RAD52: variants seen among roughly 807,000 people sequenced by gnomAD.
RAD52 encodes the protein DNA repair protein RAD52 homolog.
In RAD52, 47 loss-of-function variants were observed where a neutral mutation model predicts 55.5. That is an observed-to-expected ratio of 0.85 (90% CI 0.67 to 1.08). RAD52 has a LOEUF of 1.08. RAD52 is among the 50% of genes least tolerant of loss of function. The pLI is 0.00. For synonymous variants in RAD52, 184 were observed against 198.9 expected (o/e 0.92, Z 0.63); for missense variants, 468 against 522.8 (o/e 0.90, Z 1.02).
intron 8 of RAD52, 27 bp from the exon 9 acceptor site, chr12:916,510 G>T (rs759739389): frequency 1.2e-6 from 2 of 1,606,296 alleles, no homozygotes; most frequent in Admixed American, 1.7e-5. Context: ...CGGCGAGGAC[G>T]GGCTCCTGAG....
At chr12:984,825 C>G (rs1446273106) in intron 1 of RAD52, among the ~76,000 whole-genome samples, 1 of 152,066 alleles carries the variant, frequency 6.6e-6, no homozygotes, top group African/African-American at 2.4e-5. Context: ...CCACCATGCC[C>G]GGCTAATTTT....
chr12:912,587 C>CA lies in RAD52; in HGVS notation c.*803dup, dbSNP rs954123889. 4 of 181,056 alleles carry CA rather than the reference C, an allele frequency of 2.2e-5. No individual in the cohort carries two copies. The highest frequency in any genetic ancestry group is 9.4e-5 in the African/African-American group (4 of 42,350). 11.2% of individuals were successfully genotyped at this position (181,056 alleles called of 1,614,324 possible). On this transcript the variant is annotated 3_prime_UTR_variant, in exon 12 of 12. Transcript: ENST00000358495. ...CTCAAAAATGCCTTTTCTGGCCAGA[C>CA]ACAGTGGCTCACACCAGTAATCCCT...
Position 984,728 on chromosome 12 carries a change from G to A in RAD52, c.-19+5081C>T, listed in dbSNP as rs539399862. Among the ~76,000 whole-genome samples the A allele has an allele frequency of 4.0e-5, 6 of 149,350 alleles. No homozygotes were observed. The South Asian group carries it at 8.5e-4, about 21-fold the overall frequency. ...CGCCCAGGCTGGAGTGCAGTGGCGT[G>A]ATCTCGGCTCACTGCAAGCTCCGCC... On this transcript the variant is annotated intron_variant, in intron 1 of 11. Coordinates refer to the RAD52 transcript ENST00000430095.
chr12:926,242 C>T (rs761217060), intron 6 of RAD52, among the ~76,000 whole-genome samples: 6 of 151,776 alleles, frequency 4.0e-5, no homozygotes, highest in Admixed American at 6.6e-5. Context: ...CCTGTGATCC[C>T]GGCACTTTGG....
upstream of RAD52, chr12:990,934 C>CGTGTGTGTGTGTGTGTGTGTGTGTGTGT (rs758442595): frequency 4.4e-4 from 44 of 99,408 alleles, no homozygotes; most frequent in African/African-American, 1.2e-3. Flanking sequence ...CCGCAGGGGT[C>CGTGTGTGTGTGTGTGTGTGTGTGTGTGT]GTGTGTGTGT....
At chr12:980,819 A>G (rs182429903) in intron 1 of RAD52, among the ~76,000 whole-genome samples, 229 of 152,226 alleles carry the variant, frequency 1.5e-3, no homozygotes, top group African/African-American at 5.2e-3. Context: ...TAGGGCTGCC[A>G]TAACAAAATA....
chr12:949,003 T>C (rs1223916571), intron 1 of RAD52, among the ~76,000 whole-genome samples: 3 of 152,064 alleles, frequency 2.0e-5, no homozygotes, highest in East Asian at 1.9e-4. Context: ...CAGACCTCTA[T>C]CTCAATGTTA....
intron 1 of RAD52, among the ~76,000 whole-genome samples, chr12:958,522 C>A (rs10849606): frequency 0.99 from 151,481 of 152,344 alleles, 75,319 homozygotes; most frequent in East Asian, 1. Context: ...ACCCAGCCTG[C>A]ATTGCCTTTT....
At chr12:941,634 A>T (rs1319402425) in intron 1 of RAD52, among the ~76,000 whole-genome samples, 2 of 149,080 alleles carry the variant, frequency 1.3e-5, no homozygotes, top group Admixed American at 6.8e-5. Context: ...TTTTATTTTT[A>T]TTATTATTAT....
chr12:960,237 G>C (rs1191930359), intron 1 of RAD52, among the ~76,000 whole-genome samples: 1 of 152,200 alleles, frequency 6.6e-6, no homozygotes, highest in Non-Finnish European at 1.5e-5. Context: ...TAGGAGCTGA[G>C]AGATGGTAGC....
chr12:984,316 C>T (rs921157971), intron 1 of RAD52, among the ~76,000 whole-genome samples: 14 of 152,034 alleles, frequency 9.2e-5, no homozygotes, highest in African/African-American at 2.7e-4. Context: ...CTGCCTCATC[C>T]TCCCGAATAG....
chr12:973,591 C>A (rs529218111), intron 1 of RAD52, among the ~76,000 whole-genome samples: 15 of 150,640 alleles, frequency 1.0e-4, no homozygotes, highest in Middle Eastern at 3.5e-3. Context: ...GATCCTCCTG[C>A]CCCAGCCTCC....
At chr12:970,638 G>A (rs1958833396) in intron 1 of RAD52, among the ~76,000 whole-genome samples, 2 of 152,132 alleles carry the variant, frequency 1.3e-5, no homozygotes, top group Admixed American at 6.6e-5. Flanking sequence ...TAAGAAATTA[G>A]GACAGTGAAA....
At chr12:956,350 A>T (rs923804719) in intron 1 of RAD52, among the ~76,000 whole-genome samples, 8 of 152,200 alleles carry the variant, frequency 5.3e-5, no homozygotes, top group African/African-American at 1.9e-4. Flanking sequence ...ATGCTGCTAT[A>T]AGTTATTAAT....
At chr12:920,457 T>C (rs999695847) in intron 7 of RAD52, among the ~76,000 whole-genome samples, 10 of 148,810 alleles carry the variant, frequency 6.7e-5, no homozygotes, top group African/African-American at 2.5e-4. Context: ...CTCAGGAGGC[T>C]GAGGCAGGAG....
In RAD52 at chr12:926,676, C is replaced by T. The variant is rs11571445; in HGVS notation, c.467+469G>A. On this transcript the variant is annotated intron_variant, in intron 6 of 11. Coordinates refer to ENST00000358495, the MANE Select transcript of RAD52 (RefSeq NM_134424.4). ...AGGCTTCCAGTACAGTCCACAGAAT[C>T]ATAAGCCAATCAAACCTCCTTTATT... is the stretch of plus-strand genomic sequence containing the variant. The T allele has an allele frequency of 1.7e-3, 1,915 of 1,109,524 alleles. 27 individuals are homozygous for T. The African/African-American group carries it at 0.026, about 15-fold the overall frequency. The allele number at this position is 1,109,524 out of a possible 1,614,324, so 68.7% of individuals were successfully genotyped here. A position where few individuals can be genotyped will look rare whatever the true frequency, so the allele number is the denominator to read the frequency against.
intron 1 of RAD52, among the ~76,000 whole-genome samples, chr12:973,276 A>C (rs189089059): frequency 2.6e-5 from 4 of 151,608 alleles, no homozygotes; most frequent in African/African-American, 7.3e-5. Context: ...TCATCATGTT[A>C]GCCAGGATGG....
chr12:958,424 C>T (rs1444766612), intron 1 of RAD52, among the ~76,000 whole-genome samples: 1 of 152,090 alleles, frequency 6.6e-6, no homozygotes, highest in Admixed American at 6.6e-5. Context: ...CCATGTTGGC[C>T]AGGCTGGTCT....
chr12:919,513 A>G lies in RAD52; in HGVS notation c.544-2693T>C, dbSNP rs184927432. Among the ~76,000 whole-genome samples the G allele has an allele frequency of 2.1e-3, 316 of 152,228 alleles. 3 individuals carry two copies. The highest frequency in any genetic ancestry group is 0.017 in the Middle Eastern group (5 of 294). On this transcript the variant is annotated intron_variant, in intron 7 of 11. Coordinates refer to ENST00000358495, the MANE Select transcript of RAD52 (RefSeq NM_134424.4). ...GTAATCCCAGAACTTTGGGAGGCCA[A>G]GGCAGGTGGATTGATCACTTGAGCC...
Sources: allele counts gnomAD v4.1 joint callset (sites outside exome capture counted in the v4.1 genomes callset), GRCh38; gene constraint gnomAD v4.1.1; transcripts MANE v1.5; gene names NCBI Gene and HGNC (gene_info 2026-07-23, HGNC 2026-07-21).